Variants in MYRIP observed in about 807,000 individuals in gnomAD.
MYRIP encodes the protein rab effector MyRIP.
In MYRIP, 49 loss-of-function variants were observed where a neutral mutation model predicts 98.0. The observed-to-expected ratio is 0.50, with a 90% CI of 0.40 to 0.63. MYRIP has a LOEUF of 0.63. MYRIP is among the 30% of genes least tolerant of loss of function. The pLI, the probability that MYRIP is intolerant of heterozygous loss-of-function variation, is 0.00. For synonymous variants in MYRIP, 404 were observed against 409.5 expected (o/e 0.99, Z 0.16); for missense variants, 1,004 against 1,058.2 (o/e 0.95, Z 0.71).
At chr3:40,068,975 T>A (rs1948173126) in intron 3 of MYRIP, among the ~76,000 whole-genome samples, 1 of 152,160 alleles carries the variant, frequency 6.6e-6, no homozygotes, top group Non-Finnish European at 1.5e-5. Context: ...CACAGCCCCA[T>A]CTTCACCCAC....
chr3:39,893,058 G>T (rs905325437), intron 1 of MYRIP, among the ~76,000 whole-genome samples: 3 of 152,142 alleles, frequency 2.0e-5, no homozygotes, highest in Non-Finnish European at 2.9e-5. Flanking sequence ...CAAGTGGGTT[G>T]TATGGCCTTA....
intron 3 of MYRIP, among the ~76,000 whole-genome samples, chr3:40,052,618 G>A (rs1947814772): frequency 1.3e-5 from 2 of 152,126 alleles, no homozygotes; most frequent in African/African-American, 2.4e-5. Flanking sequence ...CATGTATCAA[G>A]AGCCTTTAGC....
At chr3:40,126,447 A>C (rs1490506736) in intron 3 of MYRIP, among the ~76,000 whole-genome samples, 3 of 152,252 alleles carry the variant, frequency 2.0e-5, no homozygotes, top group Non-Finnish European at 4.4e-5. Flanking sequence ...CCTTTCAAAA[A>C]GGAATGAATG....
intron 1 of MYRIP, among the ~76,000 whole-genome samples, chr3:39,817,009 C>A (rs570330183): frequency 6.6e-6 from 1 of 152,280 alleles, no homozygotes; most frequent in East Asian, 1.9e-4. Flanking sequence ...CTTAAGATAG[C>A]ACTAACGAGT....
intron 3 of MYRIP, among the ~76,000 whole-genome samples, chr3:40,147,640 C>CA (rs1950037344): frequency 6.6e-6 from 1 of 152,162 alleles, no homozygotes; most frequent in African/African-American, 2.4e-5. Context: ...AGTTAGTTTA[C>CA]AAAATCATAC....
intron 3 of MYRIP, among the ~76,000 whole-genome samples, chr3:40,115,567 G>A (rs1438756720): frequency 6.6e-6 from 1 of 152,132 alleles, no homozygotes; most frequent in Non-Finnish European, 1.5e-5. Flanking sequence ...GACATGAGGG[G>A]ATTATTACAA....
chr3:40,244,273 G>A (rs1953114141), intron 12 of MYRIP, among the ~76,000 whole-genome samples, 173 bp from the exon 13 acceptor site: 1 of 152,178 alleles, frequency 6.6e-6, no homozygotes, highest in African/African-American at 2.4e-5. Context: ...GGGGTGTCAA[G>A]ACCTCACACA....
intron 3 of MYRIP, among the ~76,000 whole-genome samples, chr3:40,142,272 C>T (rs896705052): frequency 1.3e-5 from 2 of 151,878 alleles, no homozygotes; most frequent in Admixed American, 6.6e-5. Context: ...AGGCTGGTCT[C>T]GAACTCCCGA....
intron 2 of MYRIP, among the ~76,000 whole-genome samples, chr3:40,006,082 T>A (rs919948858): frequency 1.4e-4 from 21 of 152,102 alleles, no homozygotes; most frequent in Admixed American, 7.9e-4. Context: ...AATTTGGCAT[T>A]TTCAAAGAAA....
intron 2 of MYRIP, among the ~76,000 whole-genome samples, chr3:39,990,549 A>G (rs28645192): frequency 0.1 from 15,396 of 152,210 alleles, 1,356 homozygotes; most frequent in African/African-American, 0.23. Flanking sequence ...TATCTGGAAA[A>G]GTTTAAAAAT....
intron 2 of MYRIP, among the ~76,000 whole-genome samples, chr3:40,035,161 C>G (rs1014876030): frequency 2.7e-5 from 4 of 150,882 alleles, no homozygotes; most frequent in Admixed American, 2.6e-4. Flanking sequence ...CAGCATGGCA[C>G]ATGTATACAT....
At chr3:39,829,933 T>G (rs1348803392) in intron 1 of MYRIP, among the ~76,000 whole-genome samples, 1 of 152,160 alleles carries the variant, frequency 6.6e-6, no homozygotes, top group Non-Finnish European at 1.5e-5. Flanking sequence ...CTGCTCAAAT[T>G]ATCTCTCCTC....
intron 1 of MYRIP, among the ~76,000 whole-genome samples, chr3:39,833,671 C>A (rs113180564): frequency 6.6e-6 from 1 of 152,174 alleles, no homozygotes; most frequent in African/African-American, 2.4e-5. Flanking sequence ...AGAGACTGCA[C>A]AGATTCCACT....
At chr3:40,228,054 G>T (rs1440087257) in intron 11 of MYRIP, among the ~76,000 whole-genome samples, 1 of 151,752 alleles carries the variant, frequency 6.6e-6, no homozygotes, top group Non-Finnish European at 1.5e-5. Context: ...GTCTCCCTCT[G>T]TTATTTTGGG....
intron 4 of MYRIP, among the ~76,000 whole-genome samples, chr3:40,155,870 T>C (rs1221394141): frequency 1.3e-5 from 2 of 151,392 alleles, no homozygotes; most frequent in Non-Finnish European, 3.0e-5. Context: ...TTGTTTGAGT[T>C]CATTGTAGAT....
chr3:40,079,195 T>C lies in MYRIP; in HGVS notation c.332+34924T>C, dbSNP rs76202343. 3.6e-3 allele frequency among the ~76,000 whole-genome samples: 542 copies of C among 152,344 alleles called. 4 individuals are homozygous for C. Among genetic ancestry groups the C allele is most frequent in the African/African-American group, 0.012 (503 of 41,588 alleles). Reference sequence around the variant, plus strand: ...TGTTCGAAGATCACACGATTTACCATTTAAGCCTTCTTAGACACTTGAGAG... The same window carrying C: ...TGTTCGAAGATCACACGATTTACCACTTAAGCCTTCTTAGACACTTGAGAG... On this transcript the variant is annotated intron_variant, in intron 3 of 16. Transcript: ENST00000302541.
chr3:40,219,362 T>A (rs1397115703), intron 11 of MYRIP, among the ~76,000 whole-genome samples: 1 of 152,236 alleles, frequency 6.6e-6, no homozygotes, highest in East Asian at 1.9e-4. Context: ...TAGTTTAAGT[T>A]TTAGGGTACA....
At chr3:40,031,509 G>T (rs1421143976) in intron 2 of MYRIP, among the ~76,000 whole-genome samples, 1 of 152,128 alleles carries the variant, frequency 6.6e-6, no homozygotes, top group Non-Finnish European at 1.5e-5. Flanking sequence ...GCAAGACAAG[G>T]CAGCTGAAAA....
intron 10 of MYRIP, among the ~76,000 whole-genome samples, chr3:40,195,962 A>G (rs544637055): frequency 9.2e-5 from 14 of 152,148 alleles, no homozygotes; most frequent in African/African-American, 3.1e-4. Flanking sequence ...AGTAATTTAC[A>G]TTTTCACAGG....
Sources: gnomAD v4.1 joint callset for allele counts (sites outside exome capture counted in the v4.1 genomes callset) on GRCh38, gnomAD v4.1.1 for gene constraint, MANE v1.5 for transcripts, NCBI Gene and HGNC (gene_info 2026-07-23, HGNC 2026-07-21) for gene names.